LDLRAD3: variants seen among roughly 807,000 people sequenced by gnomAD.
The protein encoded by LDLRAD3 is low density lipoprotein receptor class A domain containing 3.
LDLRAD3 carries 20 observed loss-of-function variants against 29.4 expected under a neutral mutation model. That is an observed-to-expected ratio of 0.68 (90% CI 0.48 to 0.99). The LOEUF (loss-of-function observed/expected upper bound fraction) is 0.99, where lower values mean the gene tolerates loss of function less well. LDLRAD3 is among the 50% of genes least tolerant of loss of function. The pLI is 0.00. For missense variants in LDLRAD3, 420 were observed against 454.3 expected (o/e 0.92, Z 0.69); for synonymous variants, 157 against 192.7 (o/e 0.81, Z 1.53).
chr11:36,124,331 C>T (rs973990461), intron 4 of LDLRAD3, among the ~76,000 whole-genome samples: 1 of 152,152 alleles, frequency 6.6e-6, no homozygotes, highest in African/African-American at 2.4e-5. Flanking sequence ...ATCATGGAAG[C>T]AATATACTAT....
At chr11:36,097,605 A>G (rs11033421) in intron 3 of LDLRAD3, among the ~76,000 whole-genome samples, 129 of 152,314 alleles carry the variant, frequency 8.5e-4, no homozygotes, top group African/African-American at 3.1e-3. Context: ...GAGACTTGGA[A>G]GGGTGAGTAG....
intron 1 of LDLRAD3, among the ~76,000 whole-genome samples, chr11:35,949,549 T>C (rs1338539805): frequency 6.6e-6 from 1 of 152,204 alleles, no homozygotes; most frequent in Non-Finnish European, 1.5e-5. Context: ...GTTCTGCAGG[T>C]GCTTGGGAAA....
intron 1 of LDLRAD3, among the ~76,000 whole-genome samples, chr11:35,981,084 G>A (rs1214520018): frequency 6.6e-6 from 1 of 152,116 alleles, no homozygotes; most frequent in African/African-American, 2.4e-5. Flanking sequence ...ACAAATATAA[G>A]TAAGTTTCCC....
Position 36,015,557 on chromosome 11 carries a change from G to C in LDLRAD3, c.47-20546G>C, listed in dbSNP as rs184603670. ...GCAGATGTTAACTGGGGAGCTCTATGAATTTCCATGAAGTAAACACACCTG... is the reference window on the plus strand; with the variant it reads ...GCAGATGTTAACTGGGGAGCTCTATCAATTTCCATGAAGTAAACACACCTG... On this transcript the variant is annotated intron_variant, in intron 1 of 5. Transcript: ENST00000315571. 3.7e-3 allele frequency among the ~76,000 whole-genome samples: 564 copies of C among 152,172 alleles called. 5 individuals carry two copies. Among genetic ancestry groups the C allele is most frequent in the African/African-American group, 0.013 (547 of 41,510 alleles).
In LDLRAD3 at chr11:36,231,812, C is replaced by T. The variant is rs141265479; in HGVS notation, c.*2415C>T. ...TAGTGGCCAGCAATATTTTTTAACT[C>T]ATTCCAACCAGGAAGCTTTTTTATA... On this transcript the variant is annotated 3_prime_UTR_variant, in exon 6 of 6. Coordinates refer to ENST00000315571, the MANE Select transcript of LDLRAD3 (RefSeq NM_174902.4). 1.2e-4 allele frequency: 19 copies of T among 152,214 alleles called. 1 individual carries two copies. In the South Asian group the frequency reaches 3.9e-3, roughly 32 times the overall value. 9.4% of individuals were successfully genotyped at this position (152,214 alleles called of 1,614,324 possible).
rs535162168 is a variant in LDLRAD3, at chr11:36,142,124, G to A, written c.454+43663G>A. Among the ~76,000 whole-genome samples, 3 of 152,238 alleles carry A rather than the reference G, an allele frequency of 2.0e-5. No homozygotes were observed. In the East Asian group the frequency reaches 5.8e-4, roughly 29 times the overall value. ...GGGGAAGCCATCCAGCCATGGCTGG[G>A]GTTTCCGGACAGATGGTGCCCATCC... is the stretch of plus-strand genomic sequence containing the variant. On this transcript the variant is annotated intron_variant, in intron 4 of 5. Transcript: ENST00000315571.
At chr11:36,121,912 C>T (rs77570163) in intron 4 of LDLRAD3, among the ~76,000 whole-genome samples, 2,788 of 152,298 alleles carry the variant, frequency 0.018, 91 homozygotes, top group African/African-American at 0.062. Flanking sequence ...ACTGAGCCCT[C>T]GCGGCATGCC....
At chr11:35,980,984 G>C (rs774085650) in intron 1 of LDLRAD3, among the ~76,000 whole-genome samples, 1 of 152,172 alleles carries the variant, frequency 6.6e-6, no homozygotes. Flanking sequence ...TCGGGCCACT[G>C]CTGACCCCAG....
At chr11:36,115,295 T>C (rs7108558) in intron 4 of LDLRAD3, among the ~76,000 whole-genome samples, 6,688 of 152,252 alleles carry the variant, frequency 0.044, 525 homozygotes, top group African/African-American at 0.15. Flanking sequence ...CTGTGAGAGA[T>C]GATAAAGATG....
At chr11:36,075,633 C>G (rs1464084455) in intron 2 of LDLRAD3, among the ~76,000 whole-genome samples, 1 of 152,184 alleles carries the variant, frequency 6.6e-6, no homozygotes, top group Non-Finnish European at 1.5e-5. Context: ...TTGCCTGTAA[C>G]AGTTATTACA....
intron 4 of LDLRAD3, among the ~76,000 whole-genome samples, chr11:36,165,249 TG>T (rs1472467777): frequency 3.3e-5 from 5 of 152,226 alleles, no homozygotes; most frequent in African/African-American, 4.8e-5. Flanking sequence ...TTCTATTAAA[TG>T]GGTGCATCTT....
At chr11:36,083,249 A>G (rs1016097935) in intron 3 of LDLRAD3, among the ~76,000 whole-genome samples, 1 of 152,234 alleles carries the variant, frequency 6.6e-6, no homozygotes, top group Non-Finnish European at 1.5e-5. Context: ...ATCATGACAC[A>G]TAGCCACCAT....
intron 1 of LDLRAD3, among the ~76,000 whole-genome samples, chr11:35,973,972 C>A (rs1851447146): frequency 6.6e-6 from 1 of 152,148 alleles, no homozygotes; most frequent in African/African-American, 2.4e-5. Context: ...AGTGTAAGAA[C>A]CATGTGTAGT....
At chr11:36,151,206 C>T (rs2133327800) in intron 4 of LDLRAD3, among the ~76,000 whole-genome samples, 1 of 152,196 alleles carries the variant, frequency 6.6e-6, no homozygotes, top group Middle Eastern at 3.4e-3. Flanking sequence ...TGGGAATGAC[C>T]TGAATTCTAT....
Position 36,231,170 on chromosome 11 carries a change from G to A in LDLRAD3, c.*1773G>A, listed in dbSNP as rs556868825. 18 of 152,672 alleles carry A rather than the reference G, an allele frequency of 1.2e-4. No homozygotes were observed. The highest frequency in any genetic ancestry group is 4.3e-4 in the African/African-American group (18 of 41,572). The allele number at this position is 152,672 out of a possible 1,614,324, so 9.5% of individuals were successfully genotyped here. On this transcript the variant is annotated 3_prime_UTR_variant, in exon 6 of 6. Coordinates refer to ENST00000315571, the MANE Select transcript of LDLRAD3 (RefSeq NM_174902.4). ...CCTGTTTGACGCTAATTAAAACAGA[G>A]CCTGCAGGAAGTGGGGCTAAAGTGG... is the stretch of plus-strand genomic sequence containing the variant.
At chr11:36,093,366 T>A (rs753325208) in intron 3 of LDLRAD3, among the ~76,000 whole-genome samples, 1 of 152,146 alleles carries the variant, frequency 6.6e-6, no homozygotes, top group Non-Finnish European at 1.5e-5. Context: ...GTCTTTGGGA[T>A]CTTCTCTTTT....
intron 4 of LDLRAD3, among the ~76,000 whole-genome samples, chr11:36,224,602 T>TGATTCACA (rs1475782259): frequency 1.3e-5 from 2 of 152,160 alleles, no homozygotes; most frequent in African/African-American, 4.8e-5. Flanking sequence ...TGGGCCCCTA[T>TGATTCACA]TTGCTTCTTT....
At chr11:35,992,620 A>G (rs115884491) in intron 1 of LDLRAD3, among the ~76,000 whole-genome samples, 2,876 of 152,334 alleles carry the variant, frequency 0.019, 91 homozygotes, top group African/African-American at 0.063. Context: ...GTATCATTCA[A>G]TTTATAGGAA....
chr11:36,075,993 A>G (rs1852993308), intron 2 of LDLRAD3, among the ~76,000 whole-genome samples: 1 of 152,178 alleles, frequency 6.6e-6, no homozygotes, highest in South Asian at 2.1e-4. Context: ...CTCTGGGTTC[A>G]TCTTGTTTGT....
Sources: gnomAD v4.1 joint callset for allele counts (sites outside exome capture counted in the v4.1 genomes callset) on GRCh38, gnomAD v4.1.1 for gene constraint, MANE v1.5 for transcripts, NCBI Gene and HGNC (gene_info 2026-07-23, HGNC 2026-07-21) for gene names.